The following SLC7A2 variants were observed in gnomAD, a reference collection of about 807,000 sequenced individuals.
SLC7A2 encodes the protein cationic amino acid transporter 2.
A neutral mutation model predicts 58.9 loss-of-function variants in SLC7A2; 48 were observed. The ratio of observed to expected loss-of-function variants is 0.82; its 90% CI spans 0.65 to 1.04. The LOEUF (loss-of-function observed/expected upper bound fraction) is 1.04, where lower values mean the gene tolerates loss of function less well. Among genes scored for constraint, SLC7A2 ranks in the 50% least tolerant of loss-of-function variants. The pLI is 0.00. For missense variants in SLC7A2, 1,029 were observed against 818.8 expected, an observed-to-expected ratio of 1.26 and a Z score of -3.13; for synonymous variants, 363 against 314.5, an observed-to-expected ratio of 1.15 and a Z score of -1.63.
chr8:17,535,472 C>T (rs928977656), intron 2 of SLC7A2, among the ~76,000 whole-genome samples: 1 of 152,168 alleles, frequency 6.6e-6, no homozygotes, highest in Non-Finnish European at 1.5e-5. Flanking sequence ...TTGCAATGGC[C>T]ATCATCTGTG....
At chr8:17,541,444 T>C (rs1433777475) in intron 2 of SLC7A2, among the ~76,000 whole-genome samples, 2 of 152,238 alleles carry the variant, frequency 1.3e-5, no homozygotes, top group African/African-American at 4.8e-5. Flanking sequence ...TGAAGTGCCA[T>C]GCTTTGGCAC....
chr8:17,530,639 C>T (rs1801411357), intron 2 of SLC7A2, among the ~76,000 whole-genome samples: 1 of 150,596 alleles, frequency 6.6e-6, no homozygotes, highest in African/African-American at 2.4e-5. Flanking sequence ...GTGGTGCAAT[C>T]TCGACTCACT....
intron 1 of SLC7A2, chr8:17,500,414 T>G (rs575724175): frequency 4.6e-5 from 7 of 152,292 alleles, no homozygotes; most frequent in African/African-American, 1.7e-4. Context: ...GGAAATGTTG[T>G]GGATGATATT....
In SLC7A2 at chr8:17,568,057, G is replaced by C. The variant is rs555388013; in HGVS notation, c.*2911G>C. ...TTTCTCAGAATTACCTAAATGTTTT[G>C]TAGAGTTTTGACTAGTAATCAATCA... On this transcript the variant is annotated 3_prime_UTR_variant, in exon 13 of 13. Coordinates refer to ENST00000494857, the MANE Select transcript of SLC7A2 (RefSeq NM_001370338.1). 6.6e-6 allele frequency: 1 copy of C among 151,608 alleles called. No individual in the cohort carries two copies. Among genetic ancestry groups the C allele is most frequent in the Non-Finnish European group, 1.5e-5 (1 of 67,930 alleles). 9.4% of individuals were successfully genotyped at this position (151,608 alleles called of 1,614,324 possible).
chr8:17,526,732 G>T (rs183881542), intron 2 of SLC7A2, among the ~76,000 whole-genome samples: 203 of 152,262 alleles, frequency 1.3e-3, no homozygotes, highest in Non-Finnish European at 5.7e-4. Flanking sequence ...AATTTCAGCA[G>T]CGTGTGGTAT....
chr8:17,510,929 A>G (rs1323992274), intron 2 of SLC7A2: 1 of 152,240 alleles, frequency 6.6e-6, no homozygotes, highest in East Asian at 1.9e-4. Context: ...CATAAAAAGG[A>G]ATGCGATCAT....
rs1803003284 is a variant in SLC7A2, at chr8:17,561,818, ACT to A, written c.1505-123_1505-122del. 5 of 824,318 alleles carry A rather than the reference ACT, an allele frequency of 6.1e-6. No homozygotes were observed. The South Asian group carries it at 7.3e-5, about 12-fold the overall frequency. 51.1% of individuals were successfully genotyped at this position (824,318 alleles called of 1,614,324 possible). A position where few individuals can be genotyped will look rare whatever the true frequency, so the allele number is the denominator to read the frequency against. On this transcript the variant is annotated intron_variant, in intron 10 of 12. Transcript: ENST00000494857. ...AAAAAGAAGAAAGGGCAAGGCGAAG[ACT>A]CTTTGTATTTAGCCAAGTAGATGTG...
At chr8:17,522,872 T>TA (rs1281973238) in intron 2 of SLC7A2, among the ~76,000 whole-genome samples, 2 of 151,572 alleles carry the variant, frequency 1.3e-5, no homozygotes, top group East Asian at 3.9e-4. Context: ...CCTACCTCTA[T>TA]AAAAAAATAA....
Position 17,505,821 on chromosome 8 carries a change from C to G in SLC7A2, c.-23+3519C>G, listed in dbSNP as rs1343161338. Among the ~76,000 whole-genome samples, 2 of 152,164 alleles carry G rather than the reference C, an allele frequency of 1.3e-5. 1 individual carries two copies. The highest frequency in any genetic ancestry group is 4.1e-4 in the South Asian group (2 of 4,836). ...GTAGAAATCTCTGAGATTTAATAAA[C>G]TTACAGTTGAGTAGAACTGAATCAT... On this transcript the variant is annotated intron_variant, in intron 2 of 12. Coordinates refer to ENST00000494857, the MANE Select transcript of SLC7A2 (RefSeq NM_001370338.1).
rs1802392142 is a variant in SLC7A2, at chr8:17,550,402, C to G, written c.800C>G (p.Ala267Gly). The change falls in exon 6 of 13, where the codon GCC becomes GGC. Residue 267 changes from alanine to glycine, a missense_variant. Coordinates refer to ENST00000494857, the MANE Select transcript of SLC7A2 (RefSeq NM_001370338.1). ...TLAGAATCFY[A>G]FVGFDCIATT... ...GCTGGTGCTGCAACTTGCTTTTATGCCTTTGTGGGATTTGACTGCATTGCA... is the reference window on the plus strand; with the variant it reads ...GCTGGTGCTGCAACTTGCTTTTATGGCTTTGTGGGATTTGACTGCATTGCA... The G allele has an allele frequency of 6.2e-7, 1 of 1,613,626 alleles. No homozygotes were observed. The highest frequency in any genetic ancestry group is 1.1e-5 in the South Asian group (1 of 91,028).
In SLC7A2 at chr8:17,563,092, A is replaced by C. The variant is rs1233850666; in HGVS notation, c.1672-511A>C. Among the ~76,000 whole-genome samples, 2 of 152,202 alleles carry C rather than the reference A, an allele frequency of 1.3e-5. 1 individual carries two copies. The highest frequency in any genetic ancestry group is 4.8e-5 in the African/African-American group (2 of 41,458). On this transcript the variant is annotated intron_variant, in intron 11 of 12. Coordinates refer to ENST00000494857, the MANE Select transcript of SLC7A2 (RefSeq NM_001370338.1). The stretch of plus-strand genomic sequence containing the variant: ...CAGGAGTTCAAGGCTGCAGTGAGCT[A>C]TCATAGTATCACTGCACTCTAGCTT...
chr8:17,529,962 C>T lies in SLC7A2; in HGVS notation c.-22-13356C>T, dbSNP rs536162948. Among the ~76,000 whole-genome samples the T allele has an allele frequency of 2.9e-3, 437 of 152,280 alleles. 1 individual carries two copies. The highest frequency in any genetic ancestry group is 4.9e-3 in the Non-Finnish European group (331 of 68,026). On this transcript the variant is annotated intron_variant, in intron 2 of 12. Transcript: ENST00000494857. ...CCATTAAAAGCAGTAGCAAAAACTACGATTACTTTTGCACCAACCTAATAC... is the reference window on the plus strand; with the variant it reads ...CCATTAAAAGCAGTAGCAAAAACTATGATTACTTTTGCACCAACCTAATAC...
upstream of SLC7A2, among the ~76,000 whole-genome samples, chr8:17,496,105 C>T (rs770124394): frequency 1.3e-5 from 2 of 152,190 alleles, no homozygotes; most frequent in Non-Finnish European, 2.9e-5. Flanking sequence ...CAATACTATG[C>T]AAAGTAAAGT....
chr8:17,532,667 A>G (rs1309245738), intron 2 of SLC7A2, among the ~76,000 whole-genome samples: 1 of 152,216 alleles, frequency 6.6e-6, no homozygotes, highest in Admixed American at 6.5e-5. Flanking sequence ...GTTCACATTT[A>G]TGGCATATTA....
In SLC7A2 at chr8:17,543,479, C is replaced by T; in HGVS notation, c.140C>T (p.Thr47Ile). ...MDLIALGVGS[T>I]LGAGVYVLAG... ...CTCATTGCCCTGGGCGTTGGAAGCA[C>T]CCTTGGGGCCGGGGTTTATGTCCTC... Residue 47 changes from threonine to isoleucine, a missense_variant, in exon 3 of 13, where the codon ACC becomes ATC. Thr to Ile is a moderately conservative substitution (Grantham distance 89, BLOSUM62 -1). Coordinates refer to ENST00000494857, the MANE Select transcript of SLC7A2 (RefSeq NM_001370338.1). 6.2e-7 allele frequency: 1 copy of T among 1,614,140 alleles called. No individual in the cohort carries two copies.
At chr8:17,555,743 A>G (rs958870713) in intron 8 of SLC7A2, among the ~76,000 whole-genome samples, 2 of 152,142 alleles carry the variant, frequency 1.3e-5, no homozygotes, top group Non-Finnish European at 2.9e-5. Flanking sequence ...TGTTCAGAAA[A>G]TCCAGATTGC....
chr8:17,511,604 TATA>T (rs1444618307), intron 2 of SLC7A2, among the ~76,000 whole-genome samples: 11 of 152,226 alleles, frequency 7.2e-5, no homozygotes, highest in Admixed American at 2.6e-4. Flanking sequence ...ATTCAAGTAA[TATA>T]ATCTATCGCT....
At chr8:17,524,467 C>G (rs1332725905) in intron 2 of SLC7A2, among the ~76,000 whole-genome samples, 2 of 150,112 alleles carry the variant, frequency 1.3e-5, no homozygotes, top group African/African-American at 4.9e-5. Context: ...CCATGGAATA[C>G]TACTCAGCCA....
intron 2 of SLC7A2, among the ~76,000 whole-genome samples, chr8:17,534,884 CT>C (rs1255801857): frequency 2.6e-5 from 4 of 152,118 alleles, no homozygotes; most frequent in African/African-American, 9.7e-5. Flanking sequence ...TCCCTTCCCA[CT>C]CATCCTCTTC....
Sources: allele counts gnomAD v4.1 joint callset (sites outside exome capture counted in the v4.1 genomes callset), GRCh38; gene constraint gnomAD v4.1.1; transcripts MANE v1.5; gene names NCBI Gene and HGNC (gene_info 2026-07-23, HGNC 2026-07-21).